The following AGBL4 variants were observed in gnomAD, a reference collection of about 807,000 sequenced individuals.
AGBL4 encodes the protein cytosolic carboxypeptidase 6.
A neutral mutation model predicts 66.4 loss-of-function variants in AGBL4; 58 were observed. The observed-to-expected ratio is 0.87, with a 90% CI of 0.71 to 1.09. The LOEUF is 1.09. AGBL4 is among the 50% of genes least tolerant of loss of function. The pLI, the probability that AGBL4 is intolerant of heterozygous loss-of-function variation, is 0.00. For missense variants in AGBL4, 579 were observed against 631.0 expected (o/e 0.92, Z 0.88); for synonymous variants, 234 against 222.9 (o/e 1.05, Z -0.44).
chr1:48,577,498 TA>T (rs1383332026), intron 11 of AGBL4, among the ~76,000 whole-genome samples: 13 of 152,170 alleles, frequency 8.5e-5, no homozygotes, highest in Non-Finnish European at 1.6e-4. Flanking sequence ...ATTATGGCCA[TA>T]AACTTGACAA....
intron 6 of AGBL4, chr1:48,776,936 G>T (rs1312146582): frequency 1.2e-5 from 7 of 575,388 alleles, no homozygotes; most frequent in Admixed American, 8.8e-5. Context: ...TGCTGGGGGG[G>T]GCGGGGGCGG....
At chr1:49,543,536 ATGT>A (rs1652233035) in intron 3 of AGBL4, among the ~76,000 whole-genome samples, 1 of 152,150 alleles carries the variant, frequency 6.6e-6, no homozygotes, top group African/African-American at 2.4e-5. Flanking sequence ...GTCTGACCAC[ATGT>A]TGTAAGGAGC....
At chr1:49,408,668 C>A (rs1645254557) in intron 3 of AGBL4, among the ~76,000 whole-genome samples, 1 of 152,158 alleles carries the variant, frequency 6.6e-6, no homozygotes, top group Admixed American at 6.5e-5. Context: ...TTCTTGCCCT[C>A]ACACATCAGA....
chr1:48,770,514 G>A (rs997184953), intron 6 of AGBL4, among the ~76,000 whole-genome samples: 2 of 151,744 alleles, frequency 1.3e-5, no homozygotes, highest in African/African-American at 4.8e-5. Context: ...GCCCTTGCAC[G>A]CTTCTCTCAC....
chr1:49,893,302 G>T (rs1648841406), intron 1 of AGBL4, among the ~76,000 whole-genome samples: 1 of 152,172 alleles, frequency 6.6e-6, no homozygotes, highest in Non-Finnish European at 1.5e-5. Flanking sequence ...TCCACCGATT[G>T]TTCTCTCCAC....
In AGBL4 at chr1:48,724,741, A is replaced by G. The variant is rs573467104; in HGVS notation, c.635-61500T>C. On this transcript the variant is annotated intron_variant, in intron 6 of 13. Transcript: ENST00000371839. ...CTCTATAATTACAAAAAAAATCGCA[A>G]GTTAGAAATGCCTACAGGAAGCATA... 2.6e-5 allele frequency among the ~76,000 whole-genome samples: 4 copies of G among 152,344 alleles called. No homozygotes were observed. The South Asian group carries it at 8.3e-4, about 32-fold the overall frequency.
chr1:49,290,768 T>G (rs577880527), intron 3 of AGBL4, among the ~76,000 whole-genome samples: 1 of 152,232 alleles, frequency 6.6e-6, no homozygotes, highest in South Asian at 2.1e-4. Context: ...GAGGCCAAGA[T>G]AGGGGAATTA....
At chr1:49,496,056 A>G (rs2148753749) in intron 3 of AGBL4, among the ~76,000 whole-genome samples, 1 of 152,176 alleles carries the variant, frequency 6.6e-6, no homozygotes, top group Admixed American at 6.5e-5. Context: ...TGTACACAGG[A>G]TAAAGACTGC....
chr1:49,128,548 CAAACAGAAATAG>C (rs1281771080), intron 4 of AGBL4, among the ~76,000 whole-genome samples: 2 of 151,902 alleles, frequency 1.3e-5, no homozygotes, highest in Non-Finnish European at 2.9e-5. Context: ...AAATAGAATA[CAAACAGAAATAG>C]AAACAGAATG....
At chr1:48,540,661 C>G (rs902732660) in intron 11 of AGBL4, among the ~76,000 whole-genome samples, 11 of 152,152 alleles carry the variant, frequency 7.2e-5, no homozygotes, top group Non-Finnish European at 1.5e-4. Context: ...TATCTCACAG[C>G]AAGAGAATTA....
At chr1:49,823,193 C>A (rs1187930776) in intron 2 of AGBL4, among the ~76,000 whole-genome samples, 2 of 152,154 alleles carry the variant, frequency 1.3e-5, no homozygotes, top group Admixed American at 1.3e-4. Context: ...TTATTTGTTA[C>A]AGAAGTCAAG....
intron 6 of AGBL4, among the ~76,000 whole-genome samples, chr1:48,833,625 G>T (rs1646609056): frequency 6.6e-6 from 1 of 152,130 alleles, no homozygotes; most frequent in South Asian, 2.1e-4. Flanking sequence ...TTGATAAACA[G>T]ATCATTGGTC....
At chr1:48,567,344 G>C (rs75624466) in intron 11 of AGBL4, among the ~76,000 whole-genome samples, 1,796 of 152,236 alleles carry the variant, frequency 0.012, 37 homozygotes, top group African/African-American at 0.041. Context: ...GAGGAAGCTG[G>C]GCCCACACCA....
chr1:49,035,774 G>C (rs1265021813), intron 5 of AGBL4, among the ~76,000 whole-genome samples: 8 of 152,032 alleles, frequency 5.3e-5, no homozygotes, highest in African/African-American at 1.9e-4. Flanking sequence ...CTCCTGCCCT[G>C]CTCATGCCTG....
chr1:49,196,610 T>G (rs895010234), intron 4 of AGBL4, among the ~76,000 whole-genome samples: 2 of 152,124 alleles, frequency 1.3e-5, no homozygotes, highest in Non-Finnish European at 2.9e-5. Flanking sequence ...GATTTCTTCA[T>G]AACTGAAGAA....
chr1:48,544,060 G>C (rs2148269854), intron 11 of AGBL4, among the ~76,000 whole-genome samples: 1 of 152,314 alleles, frequency 6.6e-6, no homozygotes, highest in South Asian at 2.1e-4. Flanking sequence ...TGCCTGATGG[G>C]AGAAGGAAAA....
intron 3 of AGBL4, among the ~76,000 whole-genome samples, chr1:49,606,687 A>G (rs1332149524): frequency 6.6e-6 from 1 of 152,110 alleles, no homozygotes; most frequent in Non-Finnish European, 1.5e-5. Context: ...TTCCCATTTT[A>G]TACATCAGGA....
chr1:49,451,823 A>G (rs1557953147), intron 3 of AGBL4, among the ~76,000 whole-genome samples: 1 of 152,010 alleles, frequency 6.6e-6, no homozygotes, highest in African/African-American at 2.4e-5. Flanking sequence ...TGTAGAGTAA[A>G]GGAAAAAATT....
At chr1:49,263,914 T>C (rs1557782240) in intron 3 of AGBL4, among the ~76,000 whole-genome samples, 1 of 152,144 alleles carries the variant, frequency 6.6e-6, no homozygotes, top group Non-Finnish European at 1.5e-5. Context: ...ACTGGATAAA[T>C]TGTGGTTCAT....
Sources: allele counts gnomAD v4.1 joint callset (sites outside exome capture counted in the v4.1 genomes callset), GRCh38; gene constraint gnomAD v4.1.1; transcripts MANE v1.5; gene names NCBI Gene and HGNC (gene_info 2026-07-23, HGNC 2026-07-21).